Variants in VPS50 observed in about 807,000 individuals in gnomAD.
VPS50 encodes the protein syndetin.
In VPS50, 70 loss-of-function variants were observed where a neutral mutation model predicts 139.7. The observed-to-expected ratio is 0.50, with a 90% CI of 0.41 to 0.61. The LOEUF is 0.61. VPS50 is among the 20% of genes least tolerant of loss of function. VPS50 has a pLI of 0.00. For synonymous variants in VPS50, 365 were observed against 376.7 expected, an observed-to-expected ratio of 0.97 and a Z score of 0.36; for missense variants, 921 against 1,133.7, an observed-to-expected ratio of 0.81 and a Z score of 2.69.
chr7:93,333,828 A>G, intron 21 of VPS50: 1 of 344,972 alleles, frequency 2.9e-6, no homozygotes, highest in South Asian at 3.1e-5. Context: ...AAGTTTTGCA[A>G]CTAAAAATAA....
intron 13 of VPS50, among the ~76,000 whole-genome samples, chr7:93,292,834 G>A (rs904961453): frequency 9.2e-5 from 14 of 152,044 alleles, no homozygotes; most frequent in African/African-American, 3.4e-4. Context: ...AATATTGTTG[G>A]GGAGAGTAAA....
At chr7:93,294,936 A>T (rs1796764722) in intron 14 of VPS50, among the ~76,000 whole-genome samples, 1 of 151,662 alleles carries the variant, frequency 6.6e-6, no homozygotes, top group South Asian at 2.1e-4. Flanking sequence ...TTTCTCAGTG[A>T]GATGTTCTGT....
chr7:93,298,830 A>G (rs1186494521), intron 16 of VPS50, among the ~76,000 whole-genome samples: 1 of 152,176 alleles, frequency 6.6e-6, no homozygotes, highest in African/African-American at 2.4e-5. Flanking sequence ...TGGCTGTGCT[A>G]TATTATTAGA....
At chr7:93,357,439 C>T (rs563120456) in intron 27 of VPS50, among the ~76,000 whole-genome samples, 4 of 152,218 alleles carry the variant, frequency 2.6e-5, no homozygotes, top group East Asian at 3.9e-4. Context: ...CGATCACTGA[C>T]GATGGATCCT....
rs377643986 is a variant in VPS50 at position 93,319,071 on chromosome 7, C to T, written c.1856-4540C>T. ...TCAGAGGCCAAGAACATTTCTTTAT[C>T]ACTGTATCATTCAAGAGCTCAATAT... On this transcript the variant is annotated intron_variant, in intron 20 of 27. Coordinates refer to ENST00000305866, the MANE Select transcript of VPS50 (RefSeq NM_017667.4). 5.3e-5 allele frequency among the ~76,000 whole-genome samples: 8 copies of T among 152,176 alleles called. No homozygotes were observed. In the East Asian group the frequency reaches 5.8e-4, roughly 11 times the overall value.
intron 4 of VPS50, 118 bp from the exon 5 acceptor site, chr7:93,256,391 C>G: frequency 2.0e-6 from 1 of 511,178 alleles, no homozygotes; most frequent in Non-Finnish European, 3.4e-6. Context: ...CCAATATCTG[C>G]TCCCAAAGTT....
chr7:93,347,925 A>G (rs912264716), intron 23 of VPS50, among the ~76,000 whole-genome samples: 4 of 151,854 alleles, frequency 2.6e-5, no homozygotes, highest in Admixed American at 6.6e-5. Flanking sequence ...ATGTATACCT[A>G]TGTAAGTAAC....
intron 8 of VPS50, 56 bp downstream of exon 8, chr7:93,258,448 G>A (rs1795559160): frequency 1.5e-6 from 2 of 1,346,374 alleles, no homozygotes; most frequent in Admixed American, 3.7e-5. Flanking sequence ...AAACAGTAAA[G>A]CAGACAAAAT....
chr7:93,358,674 A>G lies in VPS50; in HGVS notation c.*238A>G. 1 of 373,936 alleles carries G rather than the reference A, an allele frequency of 2.7e-6. No individual in the cohort carries two copies. Among genetic ancestry groups the G allele is most frequent in the Middle Eastern group, 7.8e-4 (1 of 1,282 alleles). The allele number at this position is 373,936 out of a possible 1,614,324, so 23.2% of individuals were successfully genotyped here. ...TCTGAAATGATGTTGCCGCCTTGTC[A>G]TAACAATGGTTATGTGACTACAGTT... On this transcript the variant is annotated 3_prime_UTR_variant, in exon 28 of 28. Coordinates refer to ENST00000305866, the MANE Select transcript of VPS50 (RefSeq NM_017667.4).
chr7:93,285,410 G>T (rs1356878944), intron 12 of VPS50, among the ~76,000 whole-genome samples: 3 of 152,260 alleles, frequency 2.0e-5, no homozygotes, highest in East Asian at 1.9e-4. Flanking sequence ...TAGTAATAGA[G>T]ATTTCTTATA....
At chr7:93,262,301 G>A (rs915345620) in intron 9 of VPS50, among the ~76,000 whole-genome samples, 4 of 152,172 alleles carry the variant, frequency 2.6e-5, no homozygotes, top group Admixed American at 2.6e-4. Context: ...AGTGTTAACT[G>A]TAAAAAATGT....
At chr7:93,277,041 A>G (rs1228520598) in intron 12 of VPS50, among the ~76,000 whole-genome samples, 3 of 152,180 alleles carry the variant, frequency 2.0e-5, no homozygotes, top group Admixed American at 1.3e-4. Context: ...ATCTACTTGT[A>G]TTTAAAGCCC....
In VPS50 at chr7:93,297,244, G is replaced by T; in HGVS notation, c.1361+1G>T. The T allele has an allele frequency of 1.3e-6, 2 of 1,540,446 alleles. No homozygotes were observed. The highest frequency in any genetic ancestry group is 8.6e-7 in the Non-Finnish European group (1 of 1,156,466). On this transcript the variant is annotated splice_donor_variant, in intron 16 of 27. Transcript: ENST00000305866. LOFTEE classifies it high-confidence loss of function. ...TCAATTATTTCAAGAATTACCATAG[G>T]TAAGAACTCTAATAAGATATGAATC...
In VPS50 at chr7:93,311,165, G is replaced by A. The variant is rs1797256096; in HGVS notation, c.1749-1G>A. The A allele has an allele frequency of 8.9e-7, 1 of 1,123,168 alleles. No individual in the cohort carries two copies. Among genetic ancestry groups the A allele is most frequent in the Non-Finnish European group, 1.4e-6 (1 of 732,170 alleles). The allele number at this position is 1,123,168 out of a possible 1,614,324, so 69.6% of individuals were successfully genotyped here. A position where few individuals can be genotyped will look rare whatever the true frequency, so the allele number is the denominator to read the frequency against. On this transcript the variant is annotated splice_acceptor_variant, in intron 19 of 27. Transcript: ENST00000305866. LOFTEE classifies it high-confidence loss of function. ...ACTCTGTTTTGTTTTTCCATATCAAGTGTTTCTCGGGAAACTCTAAAAAGC... is the reference window on the plus strand; with the variant it reads ...ACTCTGTTTTGTTTTTCCATATCAAATGTTTCTCGGGAAACTCTAAAAAGC...
chr7:93,234,263 A>C (rs1794731880), intron 1 of VPS50, among the ~76,000 whole-genome samples: 1 of 152,160 alleles, frequency 6.6e-6, no homozygotes, highest in Non-Finnish European at 1.5e-5. Flanking sequence ...AACTGAGGAG[A>C]GAAAAAAATT....
At chr7:93,264,592 C>T (rs937712537) in intron 9 of VPS50, among the ~76,000 whole-genome samples, 7 of 152,304 alleles carry the variant, frequency 4.6e-5, no homozygotes, top group African/African-American at 1.7e-4. Flanking sequence ...TTAAATGTCT[C>T]ATAATCTTTC....
At chr7:93,273,452 C>G (rs984026979) in intron 11 of VPS50, 1 of 151,962 alleles carries the variant, frequency 6.6e-6, no homozygotes, top group Non-Finnish European at 1.5e-5. Flanking sequence ...AATTTAAACT[C>G]TACATTTTGA....
In VPS50 at chr7:93,358,500, G is replaced by T; in HGVS notation, c.*64G>T. ...CTCAACATATATGACCTGAAAGCCA[G>T]TTTTTTTATGCACTTCTGACAACTA... is the stretch of plus-strand genomic sequence containing the variant. On this transcript the variant is annotated 3_prime_UTR_variant, in exon 28 of 28. Transcript: ENST00000305866. 7.3e-7 allele frequency: 1 copy of T among 1,372,250 alleles called. No homozygotes were observed. Among genetic ancestry groups the T allele is most frequent in the Non-Finnish European group, 1.0e-6 (1 of 985,010 alleles). 85.0% of individuals were successfully genotyped at this position (1,372,250 alleles called of 1,614,324 possible). A position where few individuals can be genotyped will look rare whatever the true frequency, so the allele number is the denominator to read the frequency against.
chr7:93,286,003 T>C (rs1229925029), intron 12 of VPS50, among the ~76,000 whole-genome samples: 3 of 152,160 alleles, frequency 2.0e-5, no homozygotes, highest in African/African-American at 7.2e-5. Flanking sequence ...ATGGTTAAAA[T>C]TTCCTTTTTT....
Sources: allele counts gnomAD v4.1 joint callset (sites outside exome capture counted in the v4.1 genomes callset), GRCh38; gene constraint gnomAD v4.1.1; transcripts MANE v1.5; gene names NCBI Gene and HGNC (gene_info 2026-07-23, HGNC 2026-07-21).